RNF40: variants seen among roughly 807,000 people sequenced by gnomAD.
The protein encoded by RNF40 is E3 ubiquitin-protein ligase BRE1B.
In RNF40, 39 loss-of-function variants were observed where a neutral mutation model predicts 123.3. That is an observed-to-expected ratio of 0.32 (90% CI 0.24 to 0.41). RNF40 has a LOEUF of 0.41. Among genes scored for constraint, RNF40 ranks in the 10% least tolerant of loss-of-function variants. RNF40 has a pLI of 1.00. For synonymous variants in RNF40, 538 were observed against 526.0 expected (o/e 1.02, Z -0.31); for missense variants, 1,003 against 1,319.9 (o/e 0.76, Z 3.72).
Position 30,774,318 on chromosome 16 carries a change from G to A in RNF40, c.*204G>A. The A allele has an allele frequency of 1.7e-6, 1 of 575,842 alleles. No individual in the cohort carries two copies. The highest frequency in any genetic ancestry group is 3.0e-6 in the Non-Finnish European group (1 of 331,330). The allele number at this position is 575,842 out of a possible 1,614,324, so 35.7% of individuals were successfully genotyped here. On this transcript the variant is annotated 3_prime_UTR_variant, in exon 20 of 20. Coordinates refer to ENST00000324685, the MANE Select transcript of RNF40 (RefSeq NM_014771.4). The stretch of plus-strand genomic sequence containing the variant: ...TCGTTCCATCTTTTCCTAAAGGTCA[G>A]AGCTGCAGCCTAGGGGGCACTGCCC...
chr16:30,766,397 C>T lies in RNF40; in HGVS notation c.1132C>T (p.Pro378Ser), dbSNP rs749027263. The T allele has an allele frequency of 2.5e-6, 4 of 1,613,548 alleles. No homozygotes were observed. The highest frequency in any genetic ancestry group is 2.7e-5 in the African/African-American group (2 of 75,022). Residue 378 changes from proline to serine, a missense_variant, in exon 10 of 20, where the codon CCT (proline) becomes TCT (serine). Physicochemically the swap from Pro to Ser is moderately conservative, Grantham distance 74. Coordinates refer to ENST00000324685, the MANE Select transcript of RNF40 (RefSeq NM_014771.4). This position sits in a 1 kb window ranked among gnomAD's most constrained non-coding sequence, Gnocchi z 5.4. ...ERLKVALRSL[P>S]EEVVRETGEY... is the part of the protein sequence containing the mutation. ...GCCCCAGGTGGCCCTGCGGAGCCTT[C>T]CTGAGGAGGTAGTGCGGGAGACGGG... is the stretch of plus-strand genomic sequence containing the variant.
At chr16:30,762,855 T>A in intron 2 of RNF40, 178 bp downstream of exon 2, 1 of 885,656 alleles carries the variant, frequency 1.1e-6, no homozygotes, top group Non-Finnish European at 1.7e-6. Flanking sequence ...CCTTTACAGA[T>A]AGGAAAACAG....
intron 19 of RNF40, 188 bp downstream of exon 19, chr16:30,772,378 G>A (rs1340331388): frequency 7.4e-6 from 5 of 671,928 alleles, no homozygotes; most frequent in South Asian, 1.6e-5. Flanking sequence ...GCTTGGCTGG[G>A]TGTGGGTTGG....
At chr16:30,772,316 G>A in intron 19 of RNF40, 126 bp downstream of exon 19, 1 of 782,442 alleles carries the variant, frequency 1.3e-6, no homozygotes, top group Non-Finnish European at 2.2e-6. Flanking sequence ...CAGCACAGTG[G>A]TCACAGAGTC....
chr16:30,768,473 T>A lies in RNF40; in HGVS notation c.1922T>A (p.Val641Glu), dbSNP rs1167196473. ...LSRADREKAK[V>E]EETKRKESEL... ...AGGGCTGATCGGGAGAAGGCCAAGG[T>A]GGAAGAAACCAAGCGGAAGGAATCA... The change falls in exon 13 of 20, where the codon GTG becomes GAG. Residue 641 changes from valine (V) to glutamate (E), a missense_variant. Physicochemically the swap from Val to Glu is moderately radical, Grantham distance 121 (BLOSUM62 -2). This residue lies in a region of RNF40 where 295 missense variants were observed against 331.7 expected (regional missense o/e 0.89). Coordinates refer to ENST00000324685, the MANE Select transcript of RNF40 (RefSeq NM_014771.4). The surrounding 1 kb of genome is among the most constrained non-coding windows in gnomAD (Gnocchi z 4.1). 6.2e-7 allele frequency: 1 copy of A among 1,610,516 alleles called. No individual in the cohort carries two copies. The highest frequency in any genetic ancestry group is 8.5e-7 in the Non-Finnish European group (1 of 1,178,048).
chr16:30,768,753 C>T lies in RNF40; in HGVS notation c.2097+17C>T, dbSNP rs1402645362. The T allele has an allele frequency of 1.7e-5, 27 of 1,613,664 alleles. No homozygotes were observed. The highest frequency in any genetic ancestry group is 2.3e-5 in the Non-Finnish European group (27 of 1,179,954). ...AAGGCCGAGGTGAGGGCAGCTGGGGCTTGTGGGGCATTCAGAAAGGCAGAG... is the reference window on the plus strand; with the variant it reads ...AAGGCCGAGGTGAGGGCAGCTGGGGTTTGTGGGGCATTCAGAAAGGCAGAG... On this transcript the variant is annotated intron_variant, in intron 14 of 19. Coordinates refer to ENST00000324685, the MANE Select transcript of RNF40 (RefSeq NM_014771.4). The surrounding 1 kb of genome is among the most constrained non-coding windows in gnomAD (Gnocchi z 4.1).
chr16:30,774,813 T>C lies in RNF40; in HGVS notation c.*699T>C. ...TAATCAGGCCCCTTCCCAATCTCCA[T>C]TTCTCTGCCAAGCCCATTTACCCCC... On this transcript the variant is annotated 3_prime_UTR_variant, in exon 20 of 20. Coordinates refer to ENST00000324685, the MANE Select transcript of RNF40 (RefSeq NM_014771.4). 1 of 368,502 alleles carries C rather than the reference T, an allele frequency of 2.7e-6. No homozygotes were observed. Among genetic ancestry groups the C allele is most frequent in the South Asian group, 2.0e-5 (1 of 49,292 alleles). 22.8% of individuals were successfully genotyped at this position (368,502 alleles called of 1,614,324 possible).
upstream of RNF40, chr16:30,762,048 C>T: frequency 6.4e-6 from 3 of 467,064 alleles, no homozygotes; most frequent in Non-Finnish European, 1.1e-5. Flanking sequence ...GCCCTCTCTT[C>T]CAGGTTGCTA....
rs1481629858 is a variant in RNF40 at position 30,765,201 on chromosome 16, A to G, written c.792A>G (p.Lys264=). The G allele has an allele frequency of 6.2e-7, 1 of 1,614,072 alleles. No individual in the cohort carries two copies. Among genetic ancestry groups the G allele is most frequent in the East Asian group, 2.2e-5 (1 of 44,900 alleles). The change falls in exon 7 of 20, where the codon AAA becomes AAG. Residue 264 remains lysine, a synonymous_variant. Coordinates refer to ENST00000324685, the MANE Select transcript of RNF40 (RefSeq NM_014771.4). ...CCCAGTACTCCGAGCTCCAGGATAA[A>G]GTGACATCGGCAGAGACCAAGGTGC... ...ISLEYSELQD[K]VTSAETKVLE...
chr16:30,761,685 A>T, upstream of RNF40: 1 of 1,535,778 alleles, frequency 6.5e-7, no homozygotes, highest in Non-Finnish European at 8.7e-7. Flanking sequence ...CGCAGCTCGG[A>T]GAGATGTTCA....
In RNF40 at chr16:30,769,523, G is replaced by C; in HGVS notation, c.2509G>C (p.Ala837Pro). The C allele has an allele frequency of 1.2e-6, 2 of 1,613,214 alleles. No individual in the cohort carries two copies. Among genetic ancestry groups the C allele is most frequent in the Non-Finnish European group, 1.7e-6 (2 of 1,179,378 alleles). ...TVQKLEEKERALQGSLGGVEK... is the reference protein window; with the variant it reads ...TVQKLEEKERPLQGSLGGVEK... Reference sequence around the variant, plus strand: ...GCAGAAGCTAGAGGAGAAGGAGCGAGCCTTGCAGGGCAGCCTCGGGGGTGT... The same window carrying C: ...GCAGAAGCTAGAGGAGAAGGAGCGACCCTTGCAGGGCAGCCTCGGGGGTGT... Residue 837 changes from alanine to proline, a missense_variant, in exon 17 of 20, where the codon GCC becomes CCC. This residue lies in a region of RNF40 where 121 missense variants were observed against 125.3 expected (regional missense o/e 0.97). Coordinates refer to ENST00000324685, the MANE Select transcript of RNF40 (RefSeq NM_014771.4).
At position 30,766,707 on chromosome 16, in the gene RNF40, G is replaced by A. The variant is rs771567218; in HGVS notation, c.1294-34G>A. On this transcript the variant is annotated intron_variant, in intron 10 of 19. Coordinates refer to ENST00000324685, the MANE Select transcript of RNF40 (RefSeq NM_014771.4). This position sits in a 1 kb window ranked among gnomAD's most constrained non-coding sequence, Gnocchi z 5.4. ...TACTGAGTCCTGAGGTGGGACCGAG[G>A]GGCTGTGTGGGTCCTTAACACATCA... 6 of 1,612,978 alleles carry A rather than the reference G, an allele frequency of 3.7e-6. No individual in the cohort carries two copies. The Admixed American group carries it at 5.0e-5, about 13-fold the overall frequency.
intron 18 of RNF40, 50 bp from the exon 19 acceptor site, chr16:30,772,039 C>CG (rs749550610): frequency 5.7e-6 from 9 of 1,581,376 alleles, no homozygotes; most frequent in Non-Finnish European, 6.9e-6. Flanking sequence ...TGGGGGCAAG[C>CG]GGCTCAAGGT....
chr16:30,768,267 T>A lies in RNF40; in HGVS notation c.1716T>A (p.Thr572=), dbSNP rs1215587988. Reference sequence around the variant, plus strand: ...TGGCTCCAGTGCCTGGCACCACCACTACTACCACTTCAGTGAAGAAGGAGG... The same window carrying A: ...TGGCTCCAGTGCCTGGCACCACCACAACTACCACTTCAGTGAAGAAGGAGG... ...KEMAPVPGTT[T]TTTSVKKEEL... is the part of the protein sequence containing the mutation. Residue 572 remains threonine, a synonymous_variant, in exon 13 of 20, where the codon ACT becomes ACA. Transcript: ENST00000324685. This position sits in a 1 kb window ranked among gnomAD's most constrained non-coding sequence, Gnocchi z 4.1. The A allele has an allele frequency of 4.3e-6, 7 of 1,613,820 alleles. No individual in the cohort carries two copies. In the African/African-American group the frequency reaches 9.3e-5, roughly 22 times the overall value.
chr16:30,763,745 A>G (rs547873990), intron 4 of RNF40, among the ~76,000 whole-genome samples, 186 bp downstream of exon 4: 3 of 152,376 alleles, frequency 2.0e-5, no homozygotes, highest in African/African-American at 4.8e-5. Context: ...CTTGGTTTAT[A>G]GAGCAATTCA....
intron 17 of RNF40, 24 bp from the exon 18 acceptor site, chr16:30,771,809 T>G (rs766502565): frequency 6.5e-7 from 1 of 1,536,002 alleles, no homozygotes; most frequent in South Asian, 1.3e-5. Flanking sequence ...GACCAGTGCC[T>G]CCTTCCTGTT....
upstream of RNF40, chr16:30,761,639 C>T: frequency 6.5e-7 from 1 of 1,536,072 alleles, no homozygotes; most frequent in Non-Finnish European, 8.7e-7. Context: ...CGCGGCCGAC[C>T]CATGCACTGA....
At position 30,763,466 on chromosome 16, in the gene RNF40, G is replaced by A; in HGVS notation, c.349G>A (p.Glu117Lys). ...ALLRCHESQG[E>K]LSSAPEAPGT... The stretch of plus-strand genomic sequence containing the variant: ...TCTCCGATGCCATGAGAGCCAGGGG[G>A]AGCTGTCTTCAGCGCCTGAGGCACC... Residue 117 changes from glutamate to lysine, a missense_variant, in exon 4 of 20, where the codon GAG (glutamate) becomes AAG (lysine). Glu to Lys is a moderately conservative substitution (Grantham distance 56, BLOSUM62 1). Transcript: ENST00000324685. The A allele has an allele frequency of 6.2e-7, 1 of 1,612,752 alleles. No individual in the cohort carries two copies.
rs368872710 is a variant in RNF40 at position 30,766,592 on chromosome 16, A to G, written c.1293+34A>G. ...CTGGAACAGGCGTTAGGGCTGGGCTAAGGGCCAAACCGTTAGTGTTGACGT... is the reference window on the plus strand; with the variant it reads ...CTGGAACAGGCGTTAGGGCTGGGCTGAGGGCCAAACCGTTAGTGTTGACGT... On this transcript the variant is annotated intron_variant, in intron 10 of 19. Coordinates refer to ENST00000324685, the MANE Select transcript of RNF40 (RefSeq NM_014771.4). This position sits in a 1 kb window ranked among gnomAD's most constrained non-coding sequence, Gnocchi z 5.4. The G allele has an allele frequency of 2.2e-4, 342 of 1,590,604 alleles. 2 individuals are homozygous for G. The Middle Eastern group carries it at 0.011, about 49-fold the overall frequency.
Sources: allele counts gnomAD v4.1 joint callset (sites outside exome capture counted in the v4.1 genomes callset), GRCh38; gene constraint gnomAD v4.1.1; regional missense constraint gnomAD v4.1.1; non-coding constraint Gnocchi (gnomAD v3.1); transcripts MANE v1.5; gene names NCBI Gene and HGNC (gene_info 2026-07-23, HGNC 2026-07-21).